SLC37A1: variants seen among roughly 807,000 people sequenced by gnomAD.
SLC37A1 encodes the protein solute carrier family 37 member 1.
In SLC37A1, 49 loss-of-function variants were observed where a neutral mutation model predicts 75.3. That is an observed-to-expected ratio of 0.65 (90% CI 0.52 to 0.83). The LOEUF is 0.83. Ranked by LOEUF, SLC37A1 falls within the 40% of genes least tolerant of loss-of-function variation. SLC37A1 has a pLI of 0.00. For missense variants in SLC37A1, 566 were observed against 695.0 expected (o/e 0.81, Z 2.09); for synonymous variants, 268 against 292.1 (o/e 0.92, Z 0.84).
At chr21:42,572,695 T>TAAAAAAAAAAAAAAA (rs1421400961) in intron 17 of SLC37A1, among the ~76,000 whole-genome samples, 10 of 132,330 alleles carry the variant, frequency 7.6e-5, no homozygotes, top group Admixed American at 1.6e-4. Flanking sequence ...AAAAAAAGAG[T>TAAAAAAAAAAAAAAA]GTGTCCTGAG....
intron 18 of SLC37A1, among the ~76,000 whole-genome samples, chr21:42,577,665 A>G (rs2056337157): frequency 6.6e-6 from 1 of 152,234 alleles, no homozygotes; most frequent in South Asian, 2.1e-4. Flanking sequence ...AACAGGGTAA[A>G]TACAGAAATA....
At chr21:42,506,041 C>G (rs567772675) in intron 2 of SLC37A1, among the ~76,000 whole-genome samples, 1 of 152,324 alleles carries the variant, frequency 6.6e-6, no homozygotes, top group African/African-American at 2.4e-5. Flanking sequence ...GAAGTGGAGG[C>G]TGGGCAGGCA....
chr21:42,558,685 A>T (rs1221735913), intron 10 of SLC37A1, among the ~76,000 whole-genome samples: 1 of 152,134 alleles, frequency 6.6e-6, no homozygotes, highest in African/African-American at 2.4e-5. Context: ...ATTTTACTTT[A>T]TAAGTATCTT....
intron 19 of SLC37A1, 55 bp from the exon 20 acceptor site, chr21:42,580,290 C>G (rs1248453637): frequency 1.3e-6 from 2 of 1,593,286 alleles, no homozygotes; most frequent in Admixed American, 3.5e-5. Flanking sequence ...TTCAGCATCT[C>G]TTGCTGAGCC....
intron 3 of SLC37A1, among the ~76,000 whole-genome samples, chr21:42,530,595 TAC>T (rs71190427): frequency 0.024 from 2,473 of 103,108 alleles, 37 homozygotes; most frequent in East Asian, 0.048. Flanking sequence ...ATGCAGATGA[TAC>T]ACACACACAC....
In SLC37A1 at chr21:42,535,532, C is replaced by T. The variant is rs951539075; in HGVS notation, c.332C>T (p.Ala111Val). Residue 111 changes from alanine to valine, a missense_variant, in exon 5 of 20, where the codon GCC becomes GTC. Coordinates refer to ENST00000352133, the MANE Select transcript of SLC37A1 (RefSeq NM_001320537.2). ...GACTACTCCTTCCTGTGCGCCTATG[C>T]CGTGGGGATGTACCTCAGGTAGGTC... Reference protein sequence around the residue: ...ALDYSFLCAYAVGMYLSGIIG... With the variant: ...ALDYSFLCAYVVGMYLSGIIG... 1 of 1,614,058 alleles carries T rather than the reference C, an allele frequency of 6.2e-7. No individual in the cohort carries two copies. Among genetic ancestry groups the T allele is most frequent in the Admixed American group, 1.7e-5 (1 of 60,004 alleles).
chr21:42,531,348 T>C (rs1212867162), intron 3 of SLC37A1, among the ~76,000 whole-genome samples: 2 of 150,778 alleles, frequency 1.3e-5, no homozygotes, highest in Non-Finnish European at 3.0e-5. Context: ...TTTTTGTTGC[T>C]GTTCTGTGTG....
At chr21:42,574,060 C>T (rs1270829461) in intron 17 of SLC37A1, among the ~76,000 whole-genome samples, 1 of 152,220 alleles carries the variant, frequency 6.6e-6, no homozygotes, top group Non-Finnish European at 1.5e-5. Flanking sequence ...TATGCACACA[C>T]ACATGCATAA....
At chr21:42,570,998 G>A (rs2056149309) in intron 17 of SLC37A1, among the ~76,000 whole-genome samples, 5 of 152,234 alleles carry the variant, frequency 3.3e-5, no homozygotes, top group Admixed American at 3.3e-4. Flanking sequence ...TTACACCAGA[G>A]GCAGGACCAG....
intron 18 of SLC37A1, chr21:42,575,901 C>G (rs189153945): frequency 1.0e-6 from 1 of 985,308 alleles, no homozygotes; most frequent in East Asian, 1.1e-4. Flanking sequence ...TCTAATGAAG[C>G]CTCCAGATGG....
At chr21:42,579,170 G>A (rs1399709518) in intron 18 of SLC37A1, among the ~76,000 whole-genome samples, 3 of 152,242 alleles carry the variant, frequency 2.0e-5, no homozygotes, top group Non-Finnish European at 4.4e-5. Flanking sequence ...AGCCAAGGCT[G>A]AGGCAGTGAT....
chr21:42,541,124 C>T (rs1489507243), intron 6 of SLC37A1, among the ~76,000 whole-genome samples: 1 of 152,164 alleles, frequency 6.6e-6, no homozygotes, highest in Non-Finnish European at 1.5e-5. Context: ...ATTCGATTCT[C>T]ATAAGGAGCG....
chr21:42,570,178 C>CATGT (rs2056111737), intron 17 of SLC37A1, among the ~76,000 whole-genome samples: 3 of 48,134 alleles, frequency 6.2e-5, no homozygotes, highest in African/African-American at 2.5e-4. Context: ...GTGGCCATTG[C>CATGT]CATGTGACAC....
intron 1 of SLC37A1, among the ~76,000 whole-genome samples, chr21:42,517,344 A>C (rs1311574457): frequency 6.6e-6 from 1 of 152,184 alleles, no homozygotes; most frequent in East Asian, 1.9e-4. Flanking sequence ...AATCCCACCT[A>C]TTCAGGCCCT....
intron 1 of SLC37A1, among the ~76,000 whole-genome samples, chr21:42,516,739 T>C (rs995357738): frequency 2.0e-5 from 3 of 152,178 alleles, no homozygotes; most frequent in Admixed American, 6.5e-5. Context: ...TTATCAGAGT[T>C]GGAGGTTTTT....
intron 17 of SLC37A1, among the ~76,000 whole-genome samples, chr21:42,572,303 G>C (rs989465523): frequency 2.6e-5 from 4 of 152,038 alleles, no homozygotes; most frequent in Non-Finnish European, 5.9e-5. Flanking sequence ...GGGGCACCTG[G>C]TGGCACCTTC....
At chr21:42,572,702 T>TGTTGGCTCTCTGGGGG (rs2056214038) in intron 17 of SLC37A1, among the ~76,000 whole-genome samples, 1 of 58,790 alleles carries the variant, frequency 1.7e-5, no homozygotes, top group Non-Finnish European at 4.2e-5. Flanking sequence ...GAGTGTGTCC[T>TGTTGGCTCTCTGGGGG]GAGGTTCAGC....
chr21:42,554,085 TACAA>T lies in SLC37A1; in HGVS notation c.796_799del (p.Asn266AspfsTer2). ...AGCACTCAAAAGGCTATGAGAATGG[TACAA>T]ACAGATTGAGACTCCAGAAGCAAAT... On this transcript the variant is annotated frameshift_variant, in exon 10 of 20. Coordinates refer to ENST00000352133, the MANE Select transcript of SLC37A1 (RefSeq NM_001320537.2). LOFTEE classifies it high-confidence loss of function. The T allele has an allele frequency of 1.2e-6, 2 of 1,613,620 alleles. No homozygotes were observed. The highest frequency in any genetic ancestry group is 1.7e-6 in the Non-Finnish European group (2 of 1,179,810).
intron 3 of SLC37A1, among the ~76,000 whole-genome samples, chr21:42,530,711 G>A (rs1261237350): frequency 6.7e-6 from 1 of 150,024 alleles, no homozygotes; most frequent in African/African-American, 2.4e-5. Flanking sequence ...CTGTCCTCCA[G>A]GGGGATTCAG....
Sources: gnomAD v4.1 joint callset for allele counts (sites outside exome capture counted in the v4.1 genomes callset) on GRCh38, gnomAD v4.1.1 for gene constraint, MANE v1.5 for transcripts, NCBI Gene and HGNC (gene_info 2026-07-23, HGNC 2026-07-21) for gene names.